ADGRD1: variants seen among roughly 807,000 people sequenced by gnomAD.
ADGRD1 encodes G-protein coupled receptor 133.
In ADGRD1, 77 loss-of-function variants were observed where a neutral mutation model predicts 113.4. That is an observed-to-expected ratio of 0.68 (90% confidence interval 0.57 to 0.82). The LOEUF (loss-of-function observed/expected upper bound fraction) is 0.82, where lower values mean the gene tolerates loss of function less well. Ranked by LOEUF, ADGRD1 falls within the 40% of genes least tolerant of loss-of-function variation. The pLI, the probability that ADGRD1 is intolerant of heterozygous loss-of-function variation, is 0.00. For missense variants in ADGRD1, 1,036 were observed against 1,139.1 expected (o/e 0.91, Z 1.30); for synonymous variants, 474 against 475.0 (o/e 1.00, Z 0.03).
At chr12:131,037,867 CA>C (rs1432893953) in intron 13 of ADGRD1, among the ~76,000 whole-genome samples, 4 of 150,206 alleles carry the variant, frequency 2.7e-5, no homozygotes, top group African/African-American at 9.8e-5. Context: ...CTCACTGCAC[CA>C]GGATCTTACT....
At chr12:130,996,827 C>A (rs1439349639) in intron 8 of ADGRD1, among the ~76,000 whole-genome samples, 10 of 102,756 alleles carry the variant, frequency 9.7e-5, no homozygotes, top group Non-Finnish European at 1.2e-4. Flanking sequence ...GCTGGCCGGG[C>A]GGGGGGCTGA....
intron 13 of ADGRD1, among the ~76,000 whole-genome samples, chr12:131,034,138 C>T (rs1293535111): frequency 2.1e-5 from 3 of 146,078 alleles, no homozygotes; most frequent in African/African-American, 7.6e-5. Context: ...CGAACCCTCT[C>T]GGGGCTTCCT....
chr12:130,957,515 C>CAT (rs1487115782), intron 2 of ADGRD1: 1 of 152,414 alleles, frequency 6.6e-6, no homozygotes, highest in Non-Finnish European at 1.5e-5. Context: ...CATTCACACA[C>CAT]ATCCCACATC....
intron 13 of ADGRD1, among the ~76,000 whole-genome samples, chr12:131,061,043 G>T (rs1884280018): frequency 6.6e-6 from 1 of 152,090 alleles, no homozygotes; most frequent in Admixed American, 6.6e-5. Flanking sequence ...ATCATGCAGG[G>T]CGTCATATTC....
chr12:131,000,747 C>CCA (rs1876273264), intron 9 of ADGRD1, among the ~76,000 whole-genome samples: 1 of 112,640 alleles, frequency 8.9e-6, no homozygotes, highest in Non-Finnish European at 1.8e-5. Flanking sequence ...TCTCAAAAAA[C>CCA]AAAAAAAAAA....
At chr12:131,083,411 G>A (rs1315703564) in intron 14 of ADGRD1, among the ~76,000 whole-genome samples, 1 of 152,122 alleles carries the variant, frequency 6.6e-6, no homozygotes, top group Non-Finnish European at 1.5e-5. Flanking sequence ...AGACCAGCCA[G>A]AGCAACATAG....
At chr12:131,086,680 C>T (rs986524974) in intron 15 of ADGRD1, among the ~76,000 whole-genome samples, 2 of 152,222 alleles carry the variant, frequency 1.3e-5, no homozygotes, top group African/African-American at 2.4e-5. Context: ...GAAAGACGCA[C>T]GTGGCACCTG....
At chr12:130,956,610 G>A (rs371322873) in intron 2 of ADGRD1, 4 of 152,298 alleles carry the variant, frequency 2.6e-5, no homozygotes, top group African/African-American at 9.6e-5. Flanking sequence ...GTAGCCCCTC[G>A]AACTGCAGGG....
chr12:131,040,035 C>A (rs1881954808), intron 13 of ADGRD1, among the ~76,000 whole-genome samples: 1 of 152,166 alleles, frequency 6.6e-6, no homozygotes. Flanking sequence ...TTCCAGAGCC[C>A]CACCCCACCA....
intron 20 of ADGRD1, among the ~76,000 whole-genome samples, chr12:131,127,424 T>A (rs946446107): frequency 1.3e-5 from 2 of 152,218 alleles, no homozygotes; most frequent in African/African-American, 2.4e-5. Flanking sequence ...CTTTATAGCC[T>A]CCAGAGGCAA....
At chr12:131,115,507 T>C (rs897561493) in intron 18 of ADGRD1, among the ~76,000 whole-genome samples, 1 of 152,108 alleles carries the variant, frequency 6.6e-6, no homozygotes, top group Admixed American at 6.5e-5. Flanking sequence ...CCCTTGCCCA[T>C]GCGCCCATCC....
chr12:131,105,606 C>A (rs1950215733), intron 16 of ADGRD1, 148 bp from the exon 17 acceptor site: 2 of 627,422 alleles, frequency 3.2e-6, no homozygotes, highest in Middle Eastern at 3.8e-4. Flanking sequence ...CAATAGGGAG[C>A]CATCGATGGT....
intron 20 of ADGRD1, among the ~76,000 whole-genome samples, chr12:131,123,690 C>T (rs201963644): frequency 2.6e-5 from 4 of 151,950 alleles, no homozygotes; most frequent in African/African-American, 4.8e-5. Context: ...GGCGTGGTGG[C>T]GGGTGCCTGT....
At chr12:131,066,832 C>G (rs1027746138) in intron 13 of ADGRD1, among the ~76,000 whole-genome samples, 6 of 152,150 alleles carry the variant, frequency 3.9e-5, no homozygotes, top group African/African-American at 1.2e-4. Flanking sequence ...GTCTGAGGAG[C>G]GGCCAGGAGG....
Position 131,003,252 on chromosome 12 carries a change from T to C in ADGRD1, c.1094T>C (p.Leu365Pro). ...DTVMGHVSSN[L>P]HGSTPQVTVE... ...GTCATGGGCCATGTATCCTCCAACC[T>C]GCACGGCAGCACGCCCCAGGTCACC... Residue 365 changes from leucine (L) to proline (P), a missense_variant, in exon 10 of 25, where the codon CTG becomes CCG. Physicochemically the swap from Leu to Pro is moderately conservative, Grantham distance 98 (BLOSUM62 -3). Transcript: ENST00000261654. This position sits in a 1 kb window ranked among gnomAD's most constrained non-coding sequence, Gnocchi z 4.8. The C allele has an allele frequency of 6.2e-7, 1 of 1,614,108 alleles. No individual in the cohort carries two copies. Among genetic ancestry groups the C allele is most frequent in the Non-Finnish European group, 8.5e-7 (1 of 1,180,012 alleles).
In ADGRD1 at chr12:131,026,722, T is replaced by C. The variant is rs370712909; in HGVS notation, c.1473+12382T>C. On this transcript the variant is annotated intron_variant, in intron 13 of 24. Coordinates refer to ENST00000261654, the MANE Select transcript of ADGRD1 (RefSeq NM_198827.5). ...GCATCCCTGGCCTCTACCCACTTGA[T>C]GCCAGCAGCCCCTCCCCAGGTTTGA... is the stretch of plus-strand genomic sequence containing the variant. 2.6e-5 allele frequency: 4 copies of C among 152,332 alleles called. No individual in the cohort carries two copies. The South Asian group carries it at 8.3e-4, about 32-fold the overall frequency. The allele number at this position is 152,332 out of a possible 1,614,324, so 9.4% of individuals were successfully genotyped here. A position where few individuals can be genotyped will look rare whatever the true frequency, so the allele number is the denominator to read the frequency against.
rs187832877 is a variant in ADGRD1, at chr12:131,113,996, C to G, written c.2042-4389C>G. ...AGGCATACGTGCATGTGTGCACGCA[C>G]ACACACGCACACACACTCACACTCT... is the stretch of plus-strand genomic sequence containing the variant. On this transcript the variant is annotated intron_variant, in intron 18 of 24. Transcript: ENST00000261654. This position sits in a 1 kb window ranked among gnomAD's most constrained non-coding sequence, Gnocchi z 4.9. Among the ~76,000 whole-genome samples, 3 of 152,296 alleles carry G rather than the reference C, an allele frequency of 2.0e-5. No homozygotes were observed. The highest frequency in any genetic ancestry group is 2.0e-4 in the Admixed American group (3 of 15,308).
chr12:131,011,607 C>T (rs1459214572), intron 12 of ADGRD1, among the ~76,000 whole-genome samples: 1 of 152,140 alleles, frequency 6.6e-6, no homozygotes, highest in African/African-American at 2.4e-5. Context: ...GAGATGATGA[C>T]CACCGGTTGC....
chr12:131,094,537 C>G (rs1025403283), intron 15 of ADGRD1, among the ~76,000 whole-genome samples: 3 of 152,002 alleles, frequency 2.0e-5, no homozygotes, highest in African/African-American at 7.2e-5. Context: ...AGAAGAGGGT[C>G]CTGCCTTGCC....
Sources: gnomAD v4.1 joint callset for allele counts (sites outside exome capture counted in the v4.1 genomes callset) on GRCh38, gnomAD v4.1.1 for gene constraint, Gnocchi (gnomAD v3.1) non-coding constraint, MANE v1.5 for transcripts, NCBI Gene and HGNC (gene_info 2026-07-23, HGNC 2026-07-21) for gene names.